HDAC9: variants seen among roughly 807,000 people sequenced by gnomAD.
HDAC9 encodes histone deacetylase 9.
Under a neutral mutation model 139.4 loss-of-function variants are expected in HDAC9, and 41 were observed. That is an observed-to-expected ratio of 0.29 (90% CI 0.23 to 0.38). The LOEUF (loss-of-function observed/expected upper bound fraction) is 0.38. Ranked by LOEUF, HDAC9 falls within the 10% of genes least tolerant of loss-of-function variation. The pLI is 1.00. For missense variants in HDAC9, 1,147 were observed against 1,297.0 expected (o/e 0.88, Z 1.78); for synonymous variants, 517 against 476.2 (o/e 1.09, Z -1.12).
intron 2 of HDAC9, among the ~76,000 whole-genome samples, chr7:18,536,239 T>C (rs1159986386): frequency 2.0e-5 from 3 of 152,168 alleles, no homozygotes; most frequent in African/African-American, 7.2e-5. Flanking sequence ...CAGAGGTCCC[T>C]GGAAGGATGA....
chr7:18,453,607 C>T (rs1446112984), intron 1 of HDAC9, among the ~76,000 whole-genome samples: 3 of 152,138 alleles, frequency 2.0e-5, no homozygotes, highest in Non-Finnish European at 4.4e-5. Context: ...ATTTGCTAAT[C>T]CTTGTCTAAA....
At chr7:18,348,795 A>G (rs902194872) in intron 1 of HDAC9, among the ~76,000 whole-genome samples, 3 of 152,138 alleles carry the variant, frequency 2.0e-5, no homozygotes, top group African/African-American at 4.8e-5. Flanking sequence ...CACTATTAAA[A>G]TTACAGCTAC....
chr7:18,809,522 G>A (rs1055272187), intron 17 of HDAC9, among the ~76,000 whole-genome samples: 5 of 151,828 alleles, frequency 3.3e-5, no homozygotes, highest in Non-Finnish European at 1.5e-5. Flanking sequence ...TGATGAAAAG[G>A]CATGCAAAGA....
At chr7:18,936,510 C>G (rs2129310557) in intron 23 of HDAC9, among the ~76,000 whole-genome samples, 1 of 152,298 alleles carries the variant, frequency 6.6e-6, no homozygotes, top group East Asian at 1.9e-4. Context: ...CATCACATGG[C>G]TACATTGCAA....
intron 2 of HDAC9, among the ~76,000 whole-genome samples, chr7:18,170,357 AC>A (rs1306390229): frequency 6.6e-6 from 1 of 151,960 alleles, no homozygotes; most frequent in Non-Finnish European, 1.5e-5. Context: ...GATTTGTCAG[AC>A]GGATAGATTG....
rs1295597535 is a variant in HDAC9, at chr7:18,996,107, T to C, written c.*45T>C. ...ATATTTCCTGTGTGTGACATCATTG[T>C]GTATCCCCCCACCCCAGTACCCTCA... On this transcript the variant is annotated 3_prime_UTR_variant, in exon 26 of 26. Transcript: ENST00000686413. 2.1e-6 allele frequency: 3 copies of C among 1,445,694 alleles called. No individual in the cohort carries two copies. The highest frequency in any genetic ancestry group is 4.7e-5 in the East Asian group (2 of 42,952). 89.6% of individuals were successfully genotyped at this position (1,445,694 alleles called of 1,614,324 possible). A position where few individuals can be genotyped will look rare whatever the true frequency, so the allele number is the denominator to read the frequency against.
chr7:18,229,287 A>G (rs1217342137), intron 2 of HDAC9, among the ~76,000 whole-genome samples: 1 of 152,220 alleles, frequency 6.6e-6, no homozygotes, highest in Admixed American at 6.5e-5. Context: ...TGGTGTGGTA[A>G]CGATCCATTT....
intron 2 of HDAC9, among the ~76,000 whole-genome samples, chr7:18,540,475 G>C (rs1398770738): frequency 6.6e-6 from 1 of 152,130 alleles, no homozygotes; most frequent in Non-Finnish European, 1.5e-5. Flanking sequence ...ACAAGAACTT[G>C]ATGTGTTCTA....
intron 22 of HDAC9, among the ~76,000 whole-genome samples, chr7:18,923,272 A>G (rs565008792): frequency 2.0e-5 from 3 of 152,042 alleles, no homozygotes; most frequent in African/African-American, 7.2e-5. Flanking sequence ...TCACACTCTA[A>G]GGTTAGAGCA....
chr7:18,682,410 G>A (rs901285187), intron 12 of HDAC9, among the ~76,000 whole-genome samples: 7 of 151,806 alleles, frequency 4.6e-5, no homozygotes, highest in African/African-American at 1.7e-4. Flanking sequence ...TATATGTATA[G>A]AGCGTGATAT....
chr7:18,727,802 C>G, intron 13 of HDAC9, 45 bp downstream of exon 13: 1 of 1,357,342 alleles, frequency 7.4e-7, no homozygotes. Flanking sequence ...GCTAAATGCC[C>G]CGTTCTTGTA....
intron 1 of HDAC9, among the ~76,000 whole-genome samples, chr7:18,469,773 C>T (rs1257925686): frequency 2.0e-5 from 3 of 152,108 alleles, no homozygotes; most frequent in Non-Finnish European, 4.4e-5. Flanking sequence ...TGTAGCTCAG[C>T]TTAGCAGGGG....
intron 17 of HDAC9, among the ~76,000 whole-genome samples, chr7:18,826,974 C>T (rs1046007959): frequency 1.4e-4 from 21 of 151,418 alleles, no homozygotes; most frequent in African/African-American, 4.9e-4. Context: ...GAAATTTAGC[C>T]GGGTGCAGTG....
intron 1 of HDAC9, among the ~76,000 whole-genome samples, chr7:18,385,979 C>T (rs977936364): frequency 1.3e-4 from 19 of 151,590 alleles, no homozygotes; most frequent in African/African-American, 4.4e-4. Flanking sequence ...TAATGTTTAA[C>T]GCACTCTTTG....
chr7:18,993,345 T>A (rs531320023), intron 25 of HDAC9, among the ~76,000 whole-genome samples: 1 of 152,252 alleles, frequency 6.6e-6, no homozygotes, highest in African/African-American at 2.4e-5. Context: ...TTATTATTTC[T>A]ATTTTAAAGA....
At chr7:18,803,461 A>G (rs1294121483) in intron 17 of HDAC9, among the ~76,000 whole-genome samples, 1 of 152,040 alleles carries the variant, frequency 6.6e-6, no homozygotes, top group Non-Finnish European at 1.5e-5. Flanking sequence ...TTCTTCCAGG[A>G]CATTTTTTCG....
chr7:18,490,997 A>G (rs1796322714), upstream of HDAC9, among the ~76,000 whole-genome samples: 2 of 152,020 alleles, frequency 1.3e-5, no homozygotes, highest in African/African-American at 4.8e-5. Context: ...TTGTTAATAC[A>G]TGAAAAGTCT....
chr7:18,602,401 G>GT (rs1289059464), intron 6 of HDAC9, among the ~76,000 whole-genome samples: 1 of 151,282 alleles, frequency 6.6e-6, no homozygotes, highest in Non-Finnish European at 1.5e-5. Context: ...CAAAGGACCA[G>GT]TTTTTTGTTT....
chr7:18,551,412 T>G (rs1817088737), intron 2 of HDAC9, among the ~76,000 whole-genome samples: 1 of 151,990 alleles, frequency 6.6e-6, no homozygotes, highest in East Asian at 1.9e-4. Flanking sequence ...ACCGAGGAAG[T>G]GACTATAGGT....
Sources: allele counts gnomAD v4.1 joint callset (sites outside exome capture counted in the v4.1 genomes callset), GRCh38; gene constraint gnomAD v4.1.1; transcripts MANE v1.5; gene names NCBI Gene and HGNC (gene_info 2026-07-23, HGNC 2026-07-21).